Variants in INPP4B observed in about 807,000 individuals in gnomAD.
The protein encoded by INPP4B is inositol polyphosphate-4-phosphatase type II B.
In INPP4B, 55 loss-of-function variants were observed where a neutral mutation model predicts 122.5. The ratio of observed to expected loss-of-function variants is 0.45; its 90% CI spans 0.36 to 0.56. The LOEUF (loss-of-function observed/expected upper bound fraction) is 0.56. Ranked by LOEUF, INPP4B falls within the 20% of genes least tolerant of loss-of-function variation. INPP4B has a pLI of 0.00. For missense variants in INPP4B, 1,000 were observed against 1,097.7 expected (o/e 0.91, Z 1.26); for synonymous variants, 403 against 388.7 (o/e 1.04, Z -0.43).
At chr4:142,627,810 T>A (rs1202942322) in intron 2 of INPP4B, among the ~76,000 whole-genome samples, 1 of 152,160 alleles carries the variant, frequency 6.6e-6, no homozygotes. Flanking sequence ...TTGATTGGAA[T>A]AGTTTCAGAA....
chr4:142,046,206 A>G (rs137947124), intron 25 of INPP4B, among the ~76,000 whole-genome samples: 59 of 152,306 alleles, frequency 3.9e-4, no homozygotes, highest in Middle Eastern at 3.4e-3. Flanking sequence ...ATAGCAACTT[A>G]AAGTTTTATT....
At chr4:142,242,783 T>C (rs1001280504) in intron 11 of INPP4B, among the ~76,000 whole-genome samples, 1 of 152,200 alleles carries the variant, frequency 6.6e-6, no homozygotes, top group East Asian at 1.9e-4. Context: ...TCTCTCCTTT[T>C]TACATCACAT....
chr4:142,548,868 A>G (rs994491090), intron 2 of INPP4B, among the ~76,000 whole-genome samples: 2 of 152,138 alleles, frequency 1.3e-5, no homozygotes, highest in African/African-American at 4.8e-5. Context: ...CACATTAAAC[A>G]TAATGCAATT....
intron 23 of INPP4B, among the ~76,000 whole-genome samples, chr4:142,091,234 A>C (rs1042800033): frequency 6.6e-6 from 1 of 152,160 alleles, no homozygotes; most frequent in African/African-American, 2.4e-5. Context: ...AAACTTTTAT[A>C]ATTGCTTTTC....
intron 17 of INPP4B, among the ~76,000 whole-genome samples, chr4:142,155,362 T>G (rs750382939): frequency 2.6e-5 from 4 of 152,148 alleles, no homozygotes; most frequent in Non-Finnish European, 5.9e-5. Context: ...GACGTAATGT[T>G]TTCTAAGATG....
At chr4:142,652,560 T>C (rs1003267563) in intron 2 of INPP4B, among the ~76,000 whole-genome samples, 14 of 152,236 alleles carry the variant, frequency 9.2e-5, no homozygotes, top group African/African-American at 3.4e-4. Flanking sequence ...ATCACAAACA[T>C]TCCTAAACAC....
chr4:142,422,446 A>G (rs1807126172), intron 5 of INPP4B, among the ~76,000 whole-genome samples: 1 of 152,030 alleles, frequency 6.6e-6, no homozygotes, highest in Non-Finnish European at 1.5e-5. Context: ...ACTTGTCATT[A>G]GAAGGCGCCC....
At chr4:142,537,053 C>G (rs1268720022) in intron 2 of INPP4B, among the ~76,000 whole-genome samples, 1 of 152,054 alleles carries the variant, frequency 6.6e-6, no homozygotes, top group Non-Finnish European at 1.5e-5. Context: ...CCTCAGCCTC[C>G]CAAAGTGCTG....
chr4:142,364,063 T>G (rs1311045291), intron 7 of INPP4B, among the ~76,000 whole-genome samples: 1 of 152,070 alleles, frequency 6.6e-6, no homozygotes, highest in East Asian at 1.9e-4. Flanking sequence ...GCTTTGTTAC[T>G]TCATTATTTT....
At position 142,064,261 on chromosome 4, in the gene INPP4B, C is replaced by T. The variant is rs545849027; in HGVS notation, c.2642+17770G>A. On this transcript the variant is annotated intron_variant, in intron 25 of 25. Coordinates refer to ENST00000262992, the MANE Select transcript of INPP4B (RefSeq NM_001101669.3). Reference sequence around the variant, plus strand: ...GTTCAGGAACCACATGATACATTAGCAGCTTTTAAGTTATTAACATACACA... The same window carrying T: ...GTTCAGGAACCACATGATACATTAGTAGCTTTTAAGTTATTAACATACACA... Among the ~76,000 whole-genome samples the T allele has an allele frequency of 1.2e-4, 19 of 152,250 alleles. No homozygotes were observed. The South Asian group carries it at 3.9e-3, about 32-fold the overall frequency.
rs1328429073 is a variant in INPP4B at position 142,314,749 on chromosome 4, A to G, written c.386T>C (p.Val129Ala). ...CGGGGGATCCTTATGTTCTGGTAGG[A>G]CACTGGTTCGAACCTGTGGAGAAAA... Reference protein sequence around the residue: ...DKSHDTVRTSVLPEHKDPPPE... With the variant: ...DKSHDTVRTSALPEHKDPPPE... The change falls in exon 8 of 26, where the codon GTC becomes GCC. Residue 129 changes from valine (V) to alanine (A), a missense_variant. Val to Ala is a moderately conservative substitution (Grantham distance 64). Coordinates refer to ENST00000262992, the MANE Select transcript of INPP4B (RefSeq NM_001101669.3). 6.3e-7 allele frequency: 1 copy of G among 1,597,844 alleles called. No homozygotes were observed. Among genetic ancestry groups the G allele is most frequent in the East Asian group, 2.3e-5 (1 of 43,452 alleles).
chr4:142,212,776 T>G (rs1579306539), intron 12 of INPP4B, among the ~76,000 whole-genome samples: 1 of 152,156 alleles, frequency 6.6e-6, no homozygotes, highest in African/African-American at 2.4e-5. Flanking sequence ...GGAAAGGTAG[T>G]GCAAATACCA....
At chr4:142,741,945 C>T (rs1767961456) in intron 1 of INPP4B, among the ~76,000 whole-genome samples, 2 of 151,824 alleles carry the variant, frequency 1.3e-5, no homozygotes, top group Admixed American at 1.3e-4. Flanking sequence ...AAAGAAGTTT[C>T]AATTTTCCAT....
intron 12 of INPP4B, among the ~76,000 whole-genome samples, chr4:142,223,627 T>C (rs1488442337): frequency 6.6e-6 from 1 of 152,154 alleles, no homozygotes; most frequent in Non-Finnish European, 1.5e-5. Context: ...TCTCATTAAG[T>C]GATACCAGGA....
At chr4:142,694,060 T>A (rs1560969055) in intron 2 of INPP4B, among the ~76,000 whole-genome samples, 5 of 152,112 alleles carry the variant, frequency 3.3e-5, no homozygotes. Flanking sequence ...AAATCAAGCA[T>A]TTTATTAAAA....
At chr4:142,803,843 G>T in intron 1 of INPP4B, among the ~76,000 whole-genome samples, 1 of 151,896 alleles carries the variant, frequency 6.6e-6, no homozygotes, top group East Asian at 1.9e-4. Context: ...GATCACATGA[G>T]GTCAGGACTT....
chr4:142,031,086 G>T (rs1045863272), intron 25 of INPP4B, among the ~76,000 whole-genome samples: 2 of 152,046 alleles, frequency 1.3e-5, no homozygotes, highest in African/African-American at 4.8e-5. Context: ...TAGGGGGTTG[G>T]TTTATAATTC....
At chr4:142,462,437 CCTAGG>C (rs773215820) in intron 3 of INPP4B, among the ~76,000 whole-genome samples, 32 of 152,216 alleles carry the variant, frequency 2.1e-4, no homozygotes, top group Admixed American at 9.8e-4. Flanking sequence ...AACATTTCTG[CCTAGG>C]CTAGGCCTGG....
At position 142,028,793 on chromosome 4, in the gene INPP4B, CT is replaced by C. The variant is rs2152254432; in HGVS notation, c.2763del (p.Ala922LeufsTer34). On this transcript the variant is annotated frameshift_variant, in exon 26 of 26. Transcript: ENST00000262992. LOFTEE classifies it high-confidence loss of function. ...ACATGTTGGTAAACTTAGGTGTCAG[CT>C]TTTCCATAAGTCCCCTCTGGAGGTC... ...YYRPPEGTYG[K>X]ADT 6.2e-7 allele frequency: 1 copy of C among 1,610,456 alleles called. No individual in the cohort carries two copies. The highest frequency in any genetic ancestry group is 8.5e-7 in the Non-Finnish European group (1 of 1,178,806).
Sources: allele counts gnomAD v4.1 joint callset (sites outside exome capture counted in the v4.1 genomes callset), GRCh38; gene constraint gnomAD v4.1.1; transcripts MANE v1.5; gene names NCBI Gene and HGNC (gene_info 2026-07-23, HGNC 2026-07-21).